Variants in TMEM135 observed in about 807,000 individuals in gnomAD.
TMEM135 encodes the protein peroxisomal membrane protein 52.
In TMEM135, 30 loss-of-function variants were observed where a neutral mutation model predicts 60.3. That is an observed-to-expected ratio of 0.50 (90% CI 0.37 to 0.68). The LOEUF (loss-of-function observed/expected upper bound fraction) is 0.68, where lower values mean the gene tolerates loss of function less well. Among genes scored for constraint, TMEM135 ranks in the 30% least tolerant of loss-of-function variants. The pLI is 0.00. For synonymous variants in TMEM135, 190 were observed against 186.7 expected, an observed-to-expected ratio of 1.02 and a Z score of -0.14; for missense variants, 468 against 548.8, an observed-to-expected ratio of 0.85 and a Z score of 1.47.
intron 2 of TMEM135, among the ~76,000 whole-genome samples, chr11:87,069,418 A>G (rs193222061): frequency 5.9e-5 from 9 of 152,272 alleles, no homozygotes; most frequent in Non-Finnish European, 7.4e-5. Flanking sequence ...TTGTAGAAGC[A>G]TGTATCCTGA....
At chr11:87,150,300 C>G (rs114206828) in intron 4 of TMEM135, among the ~76,000 whole-genome samples, 2,814 of 151,930 alleles carry the variant, frequency 0.019, 81 homozygotes, top group East Asian at 0.072. Flanking sequence ...TCTACTGCTT[C>G]TAACACATGA....
intron 5 of TMEM135, among the ~76,000 whole-genome samples, chr11:87,174,701 C>A (rs1222117387): frequency 6.6e-6 from 1 of 152,126 alleles, no homozygotes; most frequent in Non-Finnish European, 1.5e-5. Context: ...TCGATAGCTC[C>A]TTGGAAACTG....
chr11:87,049,876 C>G (rs1252398490), intron 1 of TMEM135, among the ~76,000 whole-genome samples: 1 of 114,124 alleles, frequency 8.8e-6, no homozygotes, highest in Non-Finnish European at 1.8e-5. Context: ...TTTTTGAGCA[C>G]CACACCACAC....
At chr11:87,204,050 A>G (rs905630134) in intron 5 of TMEM135, among the ~76,000 whole-genome samples, 2 of 151,714 alleles carry the variant, frequency 1.3e-5, no homozygotes, top group East Asian at 1.9e-4. Context: ...TTTTTTTTCA[A>G]CTTGACTGCC....
In TMEM135 at chr11:87,326,393, T is replaced by C. The variant is rs191894163; in HGVS notation, c.*5060T>C. On this transcript the variant is annotated 3_prime_UTR_variant, in exon 15 of 15. Coordinates refer to ENST00000305494, the MANE Select transcript of TMEM135 (RefSeq NM_022918.4). Reference sequence around the variant, plus strand: ...GACCAGTTAATTTTCGAAGTCTAGTTCTTCAGTGTCTATTAAACTTTTTCC... The same window carrying C: ...GACCAGTTAATTTTCGAAGTCTAGTCCTTCAGTGTCTATTAAACTTTTTCC... The C allele has an allele frequency of 2.4e-5, 11 of 454,128 alleles. No homozygotes were observed. In the East Asian group the frequency reaches 7.6e-4, roughly 32 times the overall value. 28.1% of individuals were successfully genotyped at this position (454,128 alleles called of 1,614,324 possible). A position where few individuals can be genotyped will look rare whatever the true frequency, so the allele number is the denominator to read the frequency against.
rs144500456 is a variant in TMEM135, at chr11:87,053,489, C to T, written c.142-14205C>T. Among the ~76,000 whole-genome samples the T allele has an allele frequency of 6.0e-3, 912 of 151,998 alleles. 12 individuals carry two copies. The highest frequency in any genetic ancestry group is 0.021 in the African/African-American group (871 of 41,460). On this transcript the variant is annotated intron_variant, in intron 1 of 14. Coordinates refer to ENST00000305494, the MANE Select transcript of TMEM135 (RefSeq NM_022918.4). The stretch of plus-strand genomic sequence containing the variant: ...ATTGAGTACTTACTTAGGTGGTAGG[C>T]AGGTGGTAGGTGGTAATTAGGGAAG...
At position 87,159,617 on chromosome 11, in the gene TMEM135, A is replaced by ACACACACACACACACACACCCCCC. The variant is rs140303858; in HGVS notation, c.462+2212_462+2213insACACACACACACACACACCCCCCC. Among the ~76,000 whole-genome samples the ACACACACACACACACACACCCCCC allele has an allele frequency of 6.0e-5, 9 of 149,454 alleles. No individual in the cohort carries two copies. The South Asian group carries it at 6.4e-4, about 11-fold the overall frequency. ...CGCACACACACACACACACACACAC[A>ACACACACACACACACACACCCCCC]CCATAGATTTTCCGAGACGGTTGGC... On this transcript the variant is annotated intron_variant, in intron 5 of 14. Coordinates refer to ENST00000305494, the MANE Select transcript of TMEM135 (RefSeq NM_022918.4).
In TMEM135 at chr11:87,325,974, C is replaced by G. The variant is rs769982214; in HGVS notation, c.*4641C>G. The G allele has an allele frequency of 2.2e-6, 1 of 453,878 alleles. No individual in the cohort carries two copies. Among genetic ancestry groups the G allele is most frequent in the South Asian group, 1.6e-5 (1 of 64,458 alleles). The allele number at this position is 453,878 out of a possible 1,614,324, so 28.1% of individuals were successfully genotyped here. ...TTTTGTCCCAGCAGACCTGAAAATC[C>G]CAGTATATTACCACAGACACACATA... On this transcript the variant is annotated 3_prime_UTR_variant, in exon 15 of 15. Transcript: ENST00000305494.
In TMEM135 at chr11:87,326,087, G is replaced by A; in HGVS notation, c.*4754G>A. 1 of 442,524 alleles carries A rather than the reference G, an allele frequency of 2.3e-6. No homozygotes were observed. Among genetic ancestry groups the A allele is most frequent in the Non-Finnish European group, 4.5e-6 (1 of 223,058 alleles). 27.4% of individuals were successfully genotyped at this position (442,524 alleles called of 1,614,324 possible). On this transcript the variant is annotated 3_prime_UTR_variant, in exon 15 of 15. Coordinates refer to ENST00000305494, the MANE Select transcript of TMEM135 (RefSeq NM_022918.4). ...CAAACTACTATAGCTTGCCTGTTCAGTTTTTTTTTTTTTTAATATTCAGTT... is the reference window on the plus strand; with the variant it reads ...CAAACTACTATAGCTTGCCTGTTCAATTTTTTTTTTTTTTAATATTCAGTT...
At chr11:87,080,168 GTTTTTT>G (rs35717116) in intron 3 of TMEM135, among the ~76,000 whole-genome samples, 3 of 128,358 alleles carry the variant, frequency 2.3e-5, no homozygotes, top group Non-Finnish European at 4.9e-5. Flanking sequence ...TGTTTGCAGT[GTTTTTT>G]TTTTTTTTTT....
chr11:87,111,401 A>G (rs897357538), intron 4 of TMEM135, among the ~76,000 whole-genome samples: 4 of 151,990 alleles, frequency 2.6e-5, no homozygotes, highest in Non-Finnish European at 5.9e-5. Context: ...TAATCCCAGC[A>G]CTTTGGGAGG....
Position 87,051,000 on chromosome 11 carries a change from G to C in TMEM135, c.141+12814G>C, listed in dbSNP as rs990477669. ...GTGGGCTTCATCCCTGGGATGCAAGGCTGGTTCAATATACACAAATCAATA... is the reference window on the plus strand; with the variant it reads ...GTGGGCTTCATCCCTGGGATGCAAGCCTGGTTCAATATACACAAATCAATA... On this transcript the variant is annotated intron_variant, in intron 1 of 14. Coordinates refer to ENST00000305494, the MANE Select transcript of TMEM135 (RefSeq NM_022918.4). Among the ~76,000 whole-genome samples the C allele has an allele frequency of 5.6e-4, 49 of 86,864 alleles. 5 individuals are homozygous for C. The highest frequency in any genetic ancestry group is 1.6e-4 in the Non-Finnish European group (8 of 48,872). The allele number at this position is 86,864 out of a possible 152,430, so 57.0% of individuals were successfully genotyped here. A position where few individuals can be genotyped will look rare whatever the true frequency, so the allele number is the denominator to read the frequency against.
chr11:87,219,433 C>G (rs1223368816), intron 5 of TMEM135, among the ~76,000 whole-genome samples: 1 of 151,366 alleles, frequency 6.6e-6, no homozygotes. Context: ...CTTACATGGG[C>G]TTTCCTCTGT....
At chr11:87,100,094 A>AG (rs1311937445) in intron 4 of TMEM135, among the ~76,000 whole-genome samples, 1 of 152,114 alleles carries the variant, frequency 6.6e-6, no homozygotes, top group Non-Finnish European at 1.5e-5. Flanking sequence ...AACTTTTTTG[A>AG]GGGGGTACAT....
chr11:87,291,515 ATTTTTTTTTTTTTTTTTT>A (rs869273724), intron 6 of TMEM135, among the ~76,000 whole-genome samples: 3 of 50,572 alleles, frequency 5.9e-5, no homozygotes, highest in East Asian at 1.4e-3. Flanking sequence ...CAGCCAAGTG[ATTTTTTTTTTTTTTTTTT>A]TTTTTTTTTT....
intron 4 of TMEM135, among the ~76,000 whole-genome samples, chr11:87,153,782 G>T (rs77538094): frequency 1.4e-3 from 206 of 152,062 alleles, no homozygotes; most frequent in African/African-American, 4.8e-3. Context: ...ATAATTGTTC[G>T]ATAAATTCTA....
intron 4 of TMEM135, among the ~76,000 whole-genome samples, chr11:87,106,758 T>G (rs1319949518): frequency 1.3e-5 from 2 of 152,208 alleles, no homozygotes; most frequent in African/African-American, 4.8e-5. Context: ...CATTATTGCA[T>G]TGCTATAAAG....
chr11:87,178,585 C>T (rs769596389), intron 5 of TMEM135: 4 of 437,750 alleles, frequency 9.1e-6, no homozygotes, highest in African/African-American at 4.1e-5. Context: ...ACCATTACAC[C>T]TGGCTAATTT....
In TMEM135 at chr11:87,271,788, T is replaced by A. The variant is rs577071026; in HGVS notation, c.510-23994T>A. On this transcript the variant is annotated intron_variant, in intron 6 of 14. Coordinates refer to ENST00000305494, the MANE Select transcript of TMEM135 (RefSeq NM_022918.4). ...CTCTCTATAAAAAATACAAAAAAAA[T>A]ACCTGAGCTTGGCAGCATGCGCTTA... Among the ~76,000 whole-genome samples the A allele has an allele frequency of 1.4e-3, 210 of 151,654 alleles. 1 individual carries two copies. Among genetic ancestry groups the A allele is most frequent in the African/African-American group, 4.5e-3 (187 of 41,390 alleles).
Sources: allele counts gnomAD v4.1 joint callset (sites outside exome capture counted in the v4.1 genomes callset), GRCh38; gene constraint gnomAD v4.1.1; transcripts MANE v1.5; gene names NCBI Gene and HGNC (gene_info 2026-07-23, HGNC 2026-07-21).